The following KIAA1958 variants were observed in gnomAD, a reference collection of about 807,000 sequenced individuals.
The protein encoded by KIAA1958 is uncharacterized protein KIAA1958.
A neutral mutation model predicts 47.2 loss-of-function variants in KIAA1958; 14 were observed. The observed-to-expected ratio is 0.30, with a 90% CI of 0.20 to 0.46. The LOEUF is 0.46. Ranked by LOEUF, KIAA1958 falls within the 20% of genes least tolerant of loss-of-function variation. The pLI is 1.00. For missense variants in KIAA1958, 803 were observed against 909.2 expected, an observed-to-expected ratio of 0.88 and a Z score of 1.50; for synonymous variants, 354 against 353.3, an observed-to-expected ratio of 1.00 and a Z score of -0.02.
chr9:112,581,681 A>G (rs2131181290), intron 2 of KIAA1958: 1 of 154,128 alleles, frequency 6.5e-6, no homozygotes, highest in East Asian at 1.9e-4. Context: ...ATAGGAAGTC[A>G]TACACTAAAG....
chr9:112,636,071 G>T (rs1836799737), intron 2 of KIAA1958, among the ~76,000 whole-genome samples: 1 of 148,422 alleles, frequency 6.7e-6, no homozygotes, highest in South Asian at 2.1e-4. Context: ...AATTCTCATT[G>T]ATTTTTTTTC....
intron 1 of KIAA1958, among the ~76,000 whole-genome samples, chr9:112,540,366 A>G (rs1206189328): frequency 1.3e-5 from 2 of 152,244 alleles, no homozygotes; most frequent in Non-Finnish European, 2.9e-5. Context: ...ACATAATTAC[A>G]TATATACACA....
At chr9:112,623,767 A>C (rs1836550972) in intron 2 of KIAA1958, among the ~76,000 whole-genome samples, 1 of 152,184 alleles carries the variant, frequency 6.6e-6, no homozygotes, top group African/African-American at 2.4e-5. Context: ...ATTTCAAGAG[A>C]GTCCTTTATA....
In KIAA1958 at chr9:112,574,889, C is replaced by G. The variant is rs1835614342; in HGVS notation, c.809C>G (p.Ser270Cys). 6.2e-7 allele frequency: 1 copy of G among 1,614,114 alleles called. No individual in the cohort carries two copies. The highest frequency in any genetic ancestry group is 2.2e-5 in the East Asian group (1 of 44,876). The change falls in exon 2 of 4, where the codon TCT becomes TGT. Residue 270 changes from serine to cysteine, a missense_variant. Ser to Cys is a moderately radical substitution (Grantham distance 112). Transcript: ENST00000337530. ...ISTELDPHGM[S>C]ASPSVISRPI... ...ACGGAGCTAGACCCACACGGTATGT[C>G]TGCATCCCCCTCTGTGATCTCCAGA... is the stretch of plus-strand genomic sequence containing the variant.
Position 112,525,918 on chromosome 9 carries a change from TTTCTTCTTCTTC to T in KIAA1958, c.-25+38872_-25+38883del, listed in dbSNP as rs758525184. On this transcript the variant is annotated intron_variant, in intron 1 of 3. Transcript: ENST00000337530. ...AAGTTGGAAAGCTTCATTTATATTC[TTTCTTCTTCTTC>T]TTCTTCTTCTTCTTCTTCTTCTTCT... is the stretch of plus-strand genomic sequence containing the variant. Among the ~76,000 whole-genome samples, 235 of 96,504 alleles carry T rather than the reference TTTCTTCTTCTTC, an allele frequency of 2.4e-3. 20 individuals are homozygous for T. Among genetic ancestry groups the T allele is most frequent in the East Asian group, 6.2e-3 (19 of 3,076 alleles). 63.3% of individuals were successfully genotyped at this position (96,504 alleles called of 152,430 possible).
In KIAA1958 at chr9:112,645,689, T is replaced by C. The variant is rs1404573326; in HGVS notation, c.1211T>C (p.Ile404Thr). The C allele has an allele frequency of 6.2e-7, 1 of 1,611,800 alleles. No individual in the cohort carries two copies. Among genetic ancestry groups the C allele is most frequent in the African/African-American group, 1.3e-5 (1 of 74,868 alleles). ...TKLNKFPVFN[I>T]NDDLNDLCTS... The stretch of plus-strand genomic sequence containing the variant: ...CTCAACAAATTTCCTGTATTTAATA[T>C]TAATGATGACTTGAATGATCTGTGT... The change falls in exon 3 of 4, where the codon ATT becomes ACT. Residue 404 changes from isoleucine (I) to threonine (T), a missense_variant. Physicochemically the swap from Ile to Thr is moderately conservative, Grantham distance 89. Coordinates refer to ENST00000337530, the MANE Select transcript of KIAA1958 (RefSeq NM_133465.4).
chr9:112,650,621 G>A (rs1837041875), intron 3 of KIAA1958, among the ~76,000 whole-genome samples: 1 of 151,726 alleles, frequency 6.6e-6, no homozygotes, highest in Admixed American at 6.6e-5. Context: ...AAAATTAAAT[G>A]GAAAAGAAGA....
At chr9:112,513,194 G>A (rs1238106618) in intron 1 of KIAA1958, among the ~76,000 whole-genome samples, 2 of 140,436 alleles carry the variant, frequency 1.4e-5, no homozygotes, top group African/African-American at 2.7e-5. Context: ...TAGTAGAGAC[G>A]GGGTTTCACC....
At chr9:112,519,608 A>G (rs187929979) in intron 1 of KIAA1958, among the ~76,000 whole-genome samples, 27 of 152,328 alleles carry the variant, frequency 1.8e-4, no homozygotes, top group African/African-American at 6.0e-4. Context: ...CTTGGTACAT[A>G]AGTGCCCAGT....
intron 1 of KIAA1958, among the ~76,000 whole-genome samples, chr9:112,554,646 A>G (rs181789139): frequency 6.6e-6 from 1 of 152,308 alleles, no homozygotes; most frequent in African/African-American, 2.4e-5. Context: ...AACACTAGAT[A>G]AAAACACAGA....
intron 2 of KIAA1958, among the ~76,000 whole-genome samples, chr9:112,596,127 G>A (rs773670405): frequency 6.6e-6 from 1 of 152,070 alleles, no homozygotes; most frequent in Non-Finnish European, 1.5e-5. Flanking sequence ...AAAAAGCTGG[G>A]ACCTCTAGGA....
intron 1 of KIAA1958, among the ~76,000 whole-genome samples, chr9:112,537,906 C>T (rs548744906): frequency 6.6e-6 from 1 of 152,208 alleles, no homozygotes; most frequent in Admixed American, 6.5e-5. Flanking sequence ...GAAAGAATGG[C>T]AGTTTGACTA....
chr9:112,498,970 A>G (rs1834090318), intron 1 of KIAA1958, among the ~76,000 whole-genome samples: 1 of 152,168 alleles, frequency 6.6e-6, no homozygotes, highest in Non-Finnish European at 1.5e-5. Context: ...TTTATCTCCT[A>G]CATATGAGTG....
Position 112,574,413 on chromosome 9 carries a change from A to G in KIAA1958, c.333A>G (p.Leu111=). 1.2e-6 allele frequency: 2 copies of G among 1,614,172 alleles called. No homozygotes were observed. The highest frequency in any genetic ancestry group is 1.7e-6 in the Non-Finnish European group (2 of 1,180,002). ...RYPGRPVKAK[L]DCNRTRDSCD... ...CTGGGAGACCAGTGAAAGCAAAGCT[A>G]GACTGTAACCGGACCAGAGACTCTT... Residue 111 remains leucine, a synonymous_variant, in exon 2 of 4, where the codon CTA becomes CTG. Coordinates refer to ENST00000337530, the MANE Select transcript of KIAA1958 (RefSeq NM_133465.4).
rs977419113 is a variant in KIAA1958 at position 112,667,151 on chromosome 9, G to A, written c.*7082G>A. On this transcript the variant is annotated 3_prime_UTR_variant, in exon 4 of 4. Coordinates refer to ENST00000337530, the MANE Select transcript of KIAA1958 (RefSeq NM_133465.4). ...AACTAGAAATTGGACTTGGAAATAT[G>A]TTCATCACCTTACCATTGACCTGGG... 3.3e-5 allele frequency: 5 copies of A among 152,208 alleles called. No homozygotes were observed. Among genetic ancestry groups the A allele is most frequent in the Non-Finnish European group, 7.3e-5 (5 of 68,052 alleles). 9.4% of individuals were successfully genotyped at this position (152,208 alleles called of 1,614,324 possible).
intron 2 of KIAA1958, among the ~76,000 whole-genome samples, chr9:112,593,809 A>G (rs1269904306): frequency 1.3e-5 from 2 of 151,944 alleles, no homozygotes; most frequent in East Asian, 3.9e-4. Flanking sequence ...TACCCTCCTC[A>G]AGCACCAACT....
chr9:112,604,676 G>A (rs1836192426), intron 2 of KIAA1958, among the ~76,000 whole-genome samples: 1 of 152,022 alleles, frequency 6.6e-6, no homozygotes, highest in South Asian at 2.1e-4. Context: ...AAGTTCTAGA[G>A]GAAAGACATT....
At chr9:112,620,261 T>C (rs1836480196) in intron 2 of KIAA1958, among the ~76,000 whole-genome samples, 1 of 152,228 alleles carries the variant, frequency 6.6e-6, no homozygotes, top group African/African-American at 2.4e-5. Context: ...GTTCCTATTC[T>C]GTATAATCAG....
chr9:112,559,440 G>A (rs1315912742), intron 1 of KIAA1958, among the ~76,000 whole-genome samples: 2 of 152,178 alleles, frequency 1.3e-5, no homozygotes, highest in African/African-American at 4.8e-5. Flanking sequence ...TTTCAAGTGA[G>A]GCAGAGAACA....
Sources: allele counts gnomAD v4.1 joint callset (sites outside exome capture counted in the v4.1 genomes callset), GRCh38; gene constraint gnomAD v4.1.1; transcripts MANE v1.5; gene names NCBI Gene and HGNC (gene_info 2026-07-23, HGNC 2026-07-21).